The following NCAM1 variants were observed in gnomAD, a reference collection of about 807,000 sequenced individuals.
The protein encoded by NCAM1 is neural cell adhesion molecule 1.
Under a neutral mutation model 109.8 loss-of-function variants are expected in NCAM1, and 14 were observed. The ratio of observed to expected loss-of-function variants is 0.13; its 90% confidence interval spans 0.08 to 0.20. NCAM1 has a LOEUF of 0.20. Among genes scored for constraint, NCAM1 ranks in the 10% least tolerant of loss-of-function variants. The pLI, the probability that NCAM1 is intolerant of heterozygous loss-of-function variation, is 1.00. For missense variants in NCAM1, 774 were observed against 1,109.9 expected, an observed-to-expected ratio of 0.70 and a Z score of 4.30; for synonymous variants, 418 against 442.9, an observed-to-expected ratio of 0.94 and a Z score of 0.70.
chr11:113,066,404 A>G (rs1484926132), intron 1 of NCAM1, among the ~76,000 whole-genome samples: 1 of 152,182 alleles, frequency 6.6e-6, no homozygotes, highest in African/African-American at 2.4e-5. Context: ...TTTGACTATT[A>G]AATTAGGTTA....
At chr11:112,977,581 GA>G (rs1951039455) in intron 1 of NCAM1, among the ~76,000 whole-genome samples, 1 of 151,758 alleles carries the variant, frequency 6.6e-6, no homozygotes, top group Admixed American at 6.6e-5. Flanking sequence ...CCTAGATTTG[GA>G]AAAAAATTAA....
At chr11:113,170,954 G>A (rs1942969286) in intron 1 of NCAM1, among the ~76,000 whole-genome samples, 1 of 152,170 alleles carries the variant, frequency 6.6e-6, no homozygotes, top group Non-Finnish European at 1.5e-5. Flanking sequence ...ATCTTCAGTA[G>A]TATAATTAAA....
chr11:113,261,283 T>A (rs543687428), intron 17 of NCAM1, among the ~76,000 whole-genome samples: 11 of 152,026 alleles, frequency 7.2e-5, no homozygotes, highest in Non-Finnish European at 1.0e-4. Context: ...GCCAGAGGGC[T>A]GTGGCCTGCC....
chr11:113,197,520 A>G (rs1427952751), intron 1 of NCAM1, among the ~76,000 whole-genome samples: 4 of 152,246 alleles, frequency 2.6e-5, no homozygotes, highest in Non-Finnish European at 4.4e-5. Flanking sequence ...TTATCTCATC[A>G]TAGTCACTGA....
intron 1 of NCAM1, among the ~76,000 whole-genome samples, chr11:113,097,612 T>G (rs1345531397): frequency 3.3e-5 from 5 of 151,980 alleles, no homozygotes; most frequent in African/African-American, 7.2e-5. Flanking sequence ...GGGCTTTTTT[T>G]TTTTTTTTTT....
At chr11:113,020,283 CCA>C (rs1555076018) in intron 1 of NCAM1, among the ~76,000 whole-genome samples, 1 of 152,128 alleles carries the variant, frequency 6.6e-6, no homozygotes, top group African/African-American at 2.4e-5. Flanking sequence ...CCTCATTTGA[CCA>C]TCAGGAAGAG....
intron 14 of NCAM1, chr11:113,246,025 G>T (rs1346450470): frequency 6.1e-6 from 2 of 327,346 alleles, no homozygotes; most frequent in Admixed American, 4.7e-5. Context: ...TGCTCCTGAT[G>T]TGGTATTAAT....
intron 1 of NCAM1, among the ~76,000 whole-genome samples, chr11:113,006,515 A>G (rs951921401): frequency 5.9e-5 from 9 of 152,218 alleles, no homozygotes; most frequent in African/African-American, 2.2e-4. Context: ...AAACTGTTGC[A>G]CTTTAAACAA....
At chr11:113,120,579 G>T (rs976105696) in intron 1 of NCAM1, among the ~76,000 whole-genome samples, 3 of 152,226 alleles carry the variant, frequency 2.0e-5, no homozygotes, top group Admixed American at 6.5e-5. Flanking sequence ...TTTATTATCC[G>T]AGGATATAAG....
chr11:113,063,729 A>C (rs1555083785), intron 1 of NCAM1, among the ~76,000 whole-genome samples: 1 of 143,924 alleles, frequency 6.9e-6, no homozygotes, highest in African/African-American at 2.4e-5. Flanking sequence ...CTAAGAACAT[A>C]TGATACTTTG....
At chr11:112,996,550 T>C (rs1306387412) in intron 1 of NCAM1, among the ~76,000 whole-genome samples, 3 of 152,186 alleles carry the variant, frequency 2.0e-5, no homozygotes, top group Non-Finnish European at 4.4e-5. Flanking sequence ...TACAAACGAT[T>C]ATTTTGCTTT....
intron 1 of NCAM1, among the ~76,000 whole-genome samples, chr11:113,112,342 A>G (rs1338294230): frequency 6.6e-6 from 1 of 152,238 alleles, no homozygotes; most frequent in Non-Finnish European, 1.5e-5. Context: ...AAGGCACAAT[A>G]AATATTTTCC....
chr11:113,009,312 G>GTTTTTTTTTTGTT lies in NCAM1; in HGVS notation c.52+47658_52+47659insGTTTTTTTTTTTT, dbSNP rs1951973321. The stretch of plus-strand genomic sequence containing the variant: ...GATTTAATTGGAAGGGTTTTTTCGG[G>GTTTTTTTTTTGTT]TTTTTTTTTTTTTTTTTTTTTTTTT... On this transcript the variant is annotated intron_variant, in intron 1 of 19. Transcript: ENST00000316851. 3.8e-5 allele frequency among the ~76,000 whole-genome samples: 3 copies of GTTTTTTTTTTGTT among 79,656 alleles called. 1 individual carries two copies. The highest frequency in any genetic ancestry group is 7.1e-5 in the Non-Finnish European group (3 of 42,114). The allele number at this position is 79,656 out of a possible 152,430, so 52.3% of individuals were successfully genotyped here.
intron 1 of NCAM1, among the ~76,000 whole-genome samples, chr11:112,999,782 G>A (rs1056531829): frequency 1.3e-5 from 2 of 152,128 alleles, no homozygotes; most frequent in Non-Finnish European, 2.9e-5. Context: ...GTCATCCCTA[G>A]GGCTGCAGGA....
At chr11:113,209,369 A>G (rs1944327849) in intron 7 of NCAM1, among the ~76,000 whole-genome samples, 1 of 152,256 alleles carries the variant, frequency 6.6e-6, no homozygotes, top group Non-Finnish European at 1.5e-5. Context: ...AGTTAACCGT[A>G]CGTATTTGAG....
intron 1 of NCAM1, among the ~76,000 whole-genome samples, chr11:113,165,179 C>T (rs1049536211): frequency 3.3e-5 from 5 of 152,096 alleles, no homozygotes; most frequent in Admixed American, 6.5e-5. Context: ...ATTGTGGAAC[C>T]CACCTTTCCA....
intron 1 of NCAM1, among the ~76,000 whole-genome samples, chr11:113,029,951 T>C (rs929888063): frequency 1.3e-5 from 2 of 152,318 alleles, no homozygotes; most frequent in South Asian, 4.1e-4. Flanking sequence ...CCAAAGAGAC[T>C]GATTGTCAGT....
chr11:113,232,375 G>A (rs1945038936), intron 11 of NCAM1, 21 bp downstream of exon 11: 6 of 1,586,478 alleles, frequency 3.8e-6, no homozygotes, highest in East Asian at 2.2e-5. Flanking sequence ...ATGGGGGTGG[G>A]ACAGAGCAGA....
intron 1 of NCAM1, among the ~76,000 whole-genome samples, chr11:113,104,511 A>G (rs1940057445): frequency 6.6e-6 from 1 of 152,096 alleles, no homozygotes; most frequent in African/African-American, 2.4e-5. Flanking sequence ...ACGCAGATCC[A>G]ATTGTGAAAA....
Sources: allele counts gnomAD v4.1 joint callset (sites outside exome capture counted in the v4.1 genomes callset), GRCh38; gene constraint gnomAD v4.1.1; transcripts MANE v1.5; gene names NCBI Gene and HGNC (gene_info 2026-07-23, HGNC 2026-07-21).